SHB: variants seen among roughly 807,000 people sequenced by gnomAD.
The protein encoded by SHB is SH2 domain-containing adapter protein B.
SHB carries 20 observed loss-of-function variants against 52.3 expected under a neutral mutation model. That is an observed-to-expected ratio of 0.38 (90% confidence interval 0.27 to 0.56). The LOEUF is 0.56. Among genes scored for constraint, SHB ranks in the 20% least tolerant of loss-of-function variants. The pLI is 0.71. For missense variants in SHB, 825 were observed against 723.3 expected, an observed-to-expected ratio of 1.14 and a Z score of -1.61; for synonymous variants, 397 against 316.5, an observed-to-expected ratio of 1.25 and a Z score of -2.70.
intron 3 of SHB, among the ~76,000 whole-genome samples, chr9:37,970,190 G>A (rs1564091094): frequency 6.6e-6 from 1 of 152,212 alleles, no homozygotes; most frequent in Non-Finnish European, 1.5e-5. Flanking sequence ...GTCTGGTGAG[G>A]CCACAGTCAG....
intron 1 of SHB, among the ~76,000 whole-genome samples, chr9:38,042,279 T>C (rs1265118710): frequency 6.6e-6 from 1 of 152,242 alleles, no homozygotes. Context: ...GAGCTCACTA[T>C]GTACTAGTAG....
chr9:38,015,001 G>A (rs932263028), intron 2 of SHB, among the ~76,000 whole-genome samples: 3 of 152,224 alleles, frequency 2.0e-5, no homozygotes, highest in Non-Finnish European at 4.4e-5. Flanking sequence ...AACAATAAGA[G>A]GGCCACAGAA....
At chr9:37,955,713 C>A (rs1832622771) in intron 4 of SHB, among the ~76,000 whole-genome samples, 170 bp downstream of exon 4, 1 of 152,034 alleles carries the variant, frequency 6.6e-6, no homozygotes, top group African/African-American at 2.4e-5. Flanking sequence ...TGGTCTTGAA[C>A]TCCTAGGCAA....
intron 2 of SHB, among the ~76,000 whole-genome samples, chr9:37,987,187 A>G (rs1820819918): frequency 6.6e-6 from 1 of 152,230 alleles, no homozygotes; most frequent in East Asian, 1.9e-4. Context: ...CAGCTCAGAC[A>G]AGCTCAGTGG....
chr9:38,030,747 C>T (rs769687346), intron 1 of SHB, among the ~76,000 whole-genome samples: 5 of 152,108 alleles, frequency 3.3e-5, no homozygotes, highest in Non-Finnish European at 5.9e-5. Flanking sequence ...TGTAGCTGAT[C>T]GTGATGACCC....
chr9:37,930,530 G>T (rs1217478355), intron 5 of SHB, among the ~76,000 whole-genome samples: 1 of 152,168 alleles, frequency 6.6e-6, no homozygotes, highest in African/African-American at 2.4e-5. Flanking sequence ...CTAAAGCACA[G>T]TGCTCACCCT....
At chr9:38,028,682 G>A (rs1821375664) in intron 1 of SHB, among the ~76,000 whole-genome samples, 1 of 152,226 alleles carries the variant, frequency 6.6e-6, no homozygotes, top group Admixed American at 6.5e-5. Flanking sequence ...GCCAGTGAAA[G>A]AAGTTAAGGA....
chr9:38,063,702 A>C (rs1286807606), intron 1 of SHB, among the ~76,000 whole-genome samples: 1 of 152,110 alleles, frequency 6.6e-6, no homozygotes, highest in Non-Finnish European at 1.5e-5. Context: ...TCAACTGCAA[A>C]CTGAGAAGCT....
chr9:37,953,394 G>C (rs77126260), intron 4 of SHB, among the ~76,000 whole-genome samples: 1 of 152,084 alleles, frequency 6.6e-6, no homozygotes, highest in South Asian at 2.1e-4. Flanking sequence ...TCTCAGCAGG[G>C]GCAGTTGAGA....
chr9:37,927,907 G>A (rs913891317), intron 5 of SHB, among the ~76,000 whole-genome samples: 6 of 152,064 alleles, frequency 3.9e-5, no homozygotes, highest in Non-Finnish European at 7.4e-5. Context: ...AGGGAAACAG[G>A]GTCTAGGGCT....
At chr9:37,980,980 G>A (rs537940737) in intron 2 of SHB, among the ~76,000 whole-genome samples, 9 of 152,306 alleles carry the variant, frequency 5.9e-5, no homozygotes, top group Admixed American at 1.3e-4. Context: ...AGGCTTTGTT[G>A]TTCCATTCAC....
intron 1 of SHB, among the ~76,000 whole-genome samples, chr9:38,040,437 G>A (rs1020157507): frequency 6.6e-6 from 1 of 152,170 alleles, no homozygotes; most frequent in East Asian, 1.9e-4. Context: ...GACATGTGTC[G>A]GCACCCATGC....
At position 38,022,907 on chromosome 9, in the gene SHB, C is replaced by A. The variant is rs142793188; in HGVS notation, c.718-6776G>T. Reference sequence around the variant, plus strand: ...TGCGTGGGGTGTCCAAACAGAGGCTCTAAGATGGGCTTCTGCTTTGGGGGG... The same window carrying A: ...TGCGTGGGGTGTCCAAACAGAGGCTATAAGATGGGCTTCTGCTTTGGGGGG... On this transcript the variant is annotated intron_variant, in intron 1 of 5. Transcript: ENST00000377707. Among the ~76,000 whole-genome samples, 401 of 152,292 alleles carry A rather than the reference C, an allele frequency of 2.6e-3. 2 individuals carry two copies. Among genetic ancestry groups the A allele is most frequent in the African/African-American group, 9.0e-3 (373 of 41,560 alleles).
chr9:38,035,356 G>A (rs1348077307), intron 1 of SHB, among the ~76,000 whole-genome samples: 1 of 151,902 alleles, frequency 6.6e-6, no homozygotes, highest in African/African-American at 2.4e-5. Context: ...TTGGCAAGGA[G>A]GACCTAGACT....
chr9:37,952,838 G>A (rs959682874), intron 4 of SHB, among the ~76,000 whole-genome samples: 7 of 152,024 alleles, frequency 4.6e-5, no homozygotes, highest in Admixed American at 2.0e-4. Flanking sequence ...AAGATCAGGA[G>A]CCCAGTTTTG....
intron 4 of SHB, among the ~76,000 whole-genome samples, chr9:37,949,717 AG>A (rs1205402920): frequency 6.6e-6 from 1 of 152,216 alleles, no homozygotes; most frequent in Non-Finnish European, 1.5e-5. Context: ...GCTCTGACTC[AG>A]GGATGTGTGC....
Position 38,068,108 on chromosome 9 carries a change from A to G in SHB, c.538T>C (p.Ser180Pro). 3.4e-6 allele frequency: 5 copies of G among 1,480,932 alleles called. No homozygotes were observed. The highest frequency in any genetic ancestry group is 4.4e-6 in the Non-Finnish European group (5 of 1,127,308). The allele number at this position is 1,480,932 out of a possible 1,614,324, so 91.7% of individuals were successfully genotyped here. A position where few individuals can be genotyped will look rare whatever the true frequency, so the allele number is the denominator to read the frequency against. ...PATPAEVRYI[S>P]PKHRLIKVES... is the part of the protein sequence containing the mutation. ...ACTTTGATGAGGCGGTGCTTGGGGG[A>G]GATGTAGCGCACCTCGGCCGGCGTG... The change falls in exon 1 of 6, where the codon TCC becomes CCC. Residue 180 changes from serine (S) to proline (P), a missense_variant. Transcript: ENST00000377707.
rs1438068690 is a variant in SHB, at chr9:38,068,031, C to A, written c.615G>T (p.Ala205=). ...CCGTCGGGCTCCAGGTGCGGCCGCC[C>A]GCGCAGGCGCCCCCCAGGGGGTCCC... is the stretch of plus-strand genomic sequence containing the variant. The part of the protein sequence containing the change: ...GAGDPLGGAC[A]GGRTWSPTAC... The change falls in exon 1 of 6, where the codon GCG becomes GCT. Residue 205 remains alanine, a synonymous_variant. Transcript: ENST00000377707. 4.0e-6 allele frequency: 6 copies of A among 1,507,386 alleles called. No individual in the cohort carries two copies. The highest frequency in any genetic ancestry group is 5.3e-6 in the Non-Finnish European group (6 of 1,136,086). The allele number at this position is 1,507,386 out of a possible 1,614,324, so 93.4% of individuals were successfully genotyped here.
intron 5 of SHB, among the ~76,000 whole-genome samples, chr9:37,947,461 G>A (rs1175803072): frequency 6.6e-6 from 1 of 152,194 alleles, no homozygotes; most frequent in Admixed American, 6.5e-5. Context: ...CCTCTGCCCT[G>A]ACAGTCCTTG....
Sources: gnomAD v4.1 joint callset for allele counts (sites outside exome capture counted in the v4.1 genomes callset) on GRCh38, gnomAD v4.1.1 for gene constraint, MANE v1.5 for transcripts, NCBI Gene and HGNC (gene_info 2026-07-23, HGNC 2026-07-21) for gene names.